The following SIPA1L2 variants were observed in gnomAD, a reference collection of about 807,000 sequenced individuals.
The protein encoded by SIPA1L2 is signal-induced proliferation-associated 1-like protein 2.
In SIPA1L2, 56 loss-of-function variants were observed where a neutral mutation model predicts 163.9. That is an observed-to-expected ratio of 0.34 (90% CI 0.28 to 0.43). SIPA1L2 has a LOEUF of 0.43. Among genes scored for constraint, SIPA1L2 ranks in the 20% least tolerant of loss-of-function variants. The pLI, the probability that SIPA1L2 is intolerant of heterozygous loss-of-function variation, is 1.00. For synonymous variants in SIPA1L2, 877 were observed against 865.7 expected (o/e 1.01, Z -0.23); for missense variants, 1,974 against 2,193.5 (o/e 0.90, Z 2.00).
At chr1:232,568,924 C>T (rs976587792) in intron 2 of SIPA1L2, among the ~76,000 whole-genome samples, 4 of 152,176 alleles carry the variant, frequency 2.6e-5, no homozygotes, top group South Asian at 2.1e-4. Flanking sequence ...AACCTTTTAT[C>T]GGAGCTATTT....
At chr1:232,557,160 G>A (rs557640035) in intron 2 of SIPA1L2, among the ~76,000 whole-genome samples, 2 of 152,270 alleles carry the variant, frequency 1.3e-5, no homozygotes, top group East Asian at 3.9e-4. Flanking sequence ...AATGTTTGTG[G>A]ATCCGGTCTC....
chr1:232,410,944 C>T (rs189885530), intron 19 of SIPA1L2, among the ~76,000 whole-genome samples: 31 of 152,228 alleles, frequency 2.0e-4, no homozygotes, highest in Admixed American at 1.7e-3. Context: ...GCCAAGTAGC[C>T]TGCCAAGGTT....
intron 2 of SIPA1L2, among the ~76,000 whole-genome samples, chr1:232,552,949 G>A (rs1318397938): frequency 6.6e-6 from 1 of 152,140 alleles, no homozygotes; most frequent in African/African-American, 2.4e-5. Context: ...TGCATCTAGG[G>A]GTGGGTGCCT....
intron 1 of SIPA1L2, among the ~76,000 whole-genome samples, chr1:232,624,213 C>A (rs1313674958): frequency 1.3e-5 from 2 of 152,062 alleles, no homozygotes; most frequent in Admixed American, 1.3e-4. Context: ...ACCTTGAGAA[C>A]CTGCTAAAAA....
chr1:232,429,629 A>T (rs1353371046), intron 16 of SIPA1L2, among the ~76,000 whole-genome samples: 1 of 151,998 alleles, frequency 6.6e-6, no homozygotes, highest in Non-Finnish European at 1.5e-5. Context: ...AAAAAGAAGC[A>T]TTTCATAACT....
chr1:232,559,608 A>T (rs533163666), intron 2 of SIPA1L2, among the ~76,000 whole-genome samples: 1 of 152,248 alleles, frequency 6.6e-6, no homozygotes. Flanking sequence ...ATACAAACAT[A>T]CATACACAGA....
At position 232,514,129 on chromosome 1, in the gene SIPA1L2, T is replaced by G. The variant is rs753991606; in HGVS notation, c.1211A>C (p.Asp404Ala). 1 of 1,614,034 alleles carries G rather than the reference T, an allele frequency of 6.2e-7. No individual in the cohort carries two copies. Among genetic ancestry groups the G allele is most frequent in the Non-Finnish European group, 8.5e-7 (1 of 1,180,000 alleles). ...DADEGDGKSN[D>A]LVLSCPYFRN... ...AAAGTAAGGACAACTAAGGACGAGG[T>G]CGTTACTTTTCCCATCACCCTCATC... Residue 404 changes from aspartate (D) to alanine (A), a missense_variant, in exon 3 of 23, where the codon GAC becomes GCC. Coordinates refer to ENST00000674635, the MANE Select transcript of SIPA1L2 (RefSeq NM_020808.5).
intron 2 of SIPA1L2, among the ~76,000 whole-genome samples, chr1:232,541,955 C>G (rs1038573072): frequency 6.6e-6 from 1 of 151,744 alleles, no homozygotes; most frequent in African/African-American, 2.4e-5. Flanking sequence ...CTCTCTCTCT[C>G]TGTATAGTTT....
At chr1:232,428,866 C>T (rs1281656819) in intron 16 of SIPA1L2, among the ~76,000 whole-genome samples, 1 of 152,154 alleles carries the variant, frequency 6.6e-6, no homozygotes, top group African/African-American at 2.4e-5. Flanking sequence ...CTTTCCTAAT[C>T]TGTGTCAGAA....
intron 3 of SIPA1L2, among the ~76,000 whole-genome samples, chr1:232,496,588 AAGACT>A (rs1666205777): frequency 6.6e-6 from 1 of 150,904 alleles, no homozygotes; most frequent in African/African-American, 2.4e-5. Flanking sequence ...TATTCAATGA[AAGACT>A]AAAAGTTAAT....
chr1:232,421,933 C>T (rs537491374), intron 18 of SIPA1L2, among the ~76,000 whole-genome samples: 3 of 152,280 alleles, frequency 2.0e-5, no homozygotes, highest in African/African-American at 7.2e-5. Context: ...GAGTTTTGAT[C>T]TCCGTTCCAT....
At chr1:232,621,606 T>C (rs990035087) in intron 1 of SIPA1L2, among the ~76,000 whole-genome samples, 1 of 152,180 alleles carries the variant, frequency 6.6e-6, no homozygotes, top group Non-Finnish European at 1.5e-5. Context: ...TAAGTATACA[T>C]GAGAGAACAC....
chr1:232,604,807 C>A (rs1661805622), intron 1 of SIPA1L2, among the ~76,000 whole-genome samples: 1 of 151,894 alleles, frequency 6.6e-6, no homozygotes. Flanking sequence ...TGGCACATAA[C>A]CCCTCTCCTC....
chr1:232,580,250 T>G (rs908164753), intron 1 of SIPA1L2, among the ~76,000 whole-genome samples: 1 of 152,186 alleles, frequency 6.6e-6, no homozygotes, highest in East Asian at 1.9e-4. Context: ...TTTAGCATGC[T>G]GATGCATTAT....
At chr1:232,583,643 A>G (rs886381827) in intron 1 of SIPA1L2, among the ~76,000 whole-genome samples, 3 of 152,228 alleles carry the variant, frequency 2.0e-5, no homozygotes, top group African/African-American at 7.2e-5. Context: ...TAAAGAGAGG[A>G]GAGAATAAAC....
rs1233917884 is a variant in SIPA1L2 at position 232,514,554 on chromosome 1, A to G, written c.786T>C (p.Asp262=). ...RGEFVRISGL[D]YVDSALLMGR... ...CCATCAGGAGGGCACTGTCCACATA[A>G]TCTAATCCTGAGATGCGGACAAATT... The change falls in exon 3 of 23, where the codon GAT becomes GAC. Residue 262 remains aspartate (D), a synonymous_variant. Transcript: ENST00000674635. 6.2e-7 allele frequency: 1 copy of G among 1,614,110 alleles called. No individual in the cohort carries two copies. Among genetic ancestry groups the G allele is most frequent in the Non-Finnish European group, 8.5e-7 (1 of 1,180,010 alleles).
intron 3 of SIPA1L2, among the ~76,000 whole-genome samples, chr1:232,493,955 GGTA>G (rs1223407246): frequency 6.6e-6 from 1 of 152,118 alleles, no homozygotes; most frequent in East Asian, 1.9e-4. Flanking sequence ...ATCAGAAAGA[GGTA>G]TTGTCATTCT....
At chr1:232,594,489 C>A (rs1244261820) in intron 1 of SIPA1L2, among the ~76,000 whole-genome samples, 2 of 152,104 alleles carry the variant, frequency 1.3e-5, no homozygotes, top group Admixed American at 1.3e-4. Context: ...TCATCATCAC[C>A]CACAGCCATC....
At chr1:232,566,074 A>ATTGT (rs1452188527) in intron 2 of SIPA1L2, among the ~76,000 whole-genome samples, 1 of 152,210 alleles carries the variant, frequency 6.6e-6, no homozygotes, top group African/African-American at 2.4e-5. Context: ...TTAGGAAAAT[A>ATTGT]TAGATGTTGG....
Sources: gnomAD v4.1 joint callset for allele counts (sites outside exome capture counted in the v4.1 genomes callset) on GRCh38, gnomAD v4.1.1 for gene constraint, MANE v1.5 for transcripts, NCBI Gene and HGNC (gene_info 2026-07-23, HGNC 2026-07-21) for gene names.